TMEM233: variants seen among roughly 807,000 people sequenced by gnomAD.
The protein encoded by TMEM233 is transmembrane protein 233, also known as dispanin subfamily B member 2.
A neutral mutation model predicts 11.2 loss-of-function variants in TMEM233; 6 were observed. That is an observed-to-expected ratio of 0.54 (90% CI 0.29 to 1.06). The LOEUF (loss-of-function observed/expected upper bound fraction) is 1.06. Among genes scored for constraint, TMEM233 ranks in the 50% least tolerant of loss-of-function variants. The probability of loss-of-function intolerance (pLI) is 0.08; values close to 1 mark genes in which losing one functional copy is unlikely to be tolerated. For missense variants in TMEM233, 127 were observed against 144.7 expected (o/e 0.88, Z 0.63); for synonymous variants, 59 against 55.8 (o/e 1.06, Z -0.26).
intron 1 of TMEM233, among the ~76,000 whole-genome samples, chr12:119,607,851 G>T (rs150125441): frequency 3.3e-5 from 5 of 152,078 alleles, no homozygotes; most frequent in Non-Finnish European, 7.4e-5. Context: ...CTCTCAAAGC[G>T]CAGGGATTAC....
At chr12:119,601,450 ACTGAGAC>A in intron 1 of TMEM233, among the ~76,000 whole-genome samples, 1 of 151,284 alleles carries the variant, frequency 6.6e-6, no homozygotes, top group Admixed American at 6.6e-5. Flanking sequence ...AGGTCAGGAG[ACTGAGAC>A]CATCCTGGCT....
intron 2 of TMEM233, chr12:119,634,221 C>G: frequency 5.1e-6 from 5 of 985,232 alleles, no homozygotes; most frequent in Non-Finnish European, 6.0e-6. Context: ...TCTATTTCCA[C>G]AGAGGGGCTG....
intron 1 of TMEM233, among the ~76,000 whole-genome samples, chr12:119,625,754 A>G (rs1954743201): frequency 6.6e-6 from 1 of 152,192 alleles, no homozygotes; most frequent in South Asian, 2.1e-4. Flanking sequence ...TATTTTGCTG[A>G]AAATTTAGGT....
At position 119,635,363 on chromosome 12, in the gene TMEM233, T is replaced by C. The variant is rs912569235; in HGVS notation, c.324-5336T>C. Among the ~76,000 whole-genome samples the C allele has an allele frequency of 3.9e-5, 6 of 152,132 alleles. No individual in the cohort carries two copies. The South Asian group carries it at 1.0e-3, about 26-fold the overall frequency. The stretch of plus-strand genomic sequence containing the variant: ...ACAAGCCACCTTCCCCAAAAAATAA[T>C]TCTAAATATTCTAAAGTTGCAGAAC... On this transcript the variant is annotated intron_variant, in intron 2 of 2. Transcript: ENST00000426426.
chr12:119,599,766 T>G (rs1450135485), intron 1 of TMEM233, among the ~76,000 whole-genome samples: 1 of 152,066 alleles, frequency 6.6e-6, no homozygotes, highest in East Asian at 1.9e-4. Context: ...AGAGATCACC[T>G]ACCACCCCAC....
chr12:119,603,158 C>A (rs528166958), intron 1 of TMEM233, among the ~76,000 whole-genome samples: 13 of 152,230 alleles, frequency 8.5e-5, no homozygotes, highest in Non-Finnish European at 1.5e-4. Context: ...GTAATCCAAG[C>A]TACCCAAAAG....
chr12:119,618,058 G>T (rs1264651451), intron 1 of TMEM233, among the ~76,000 whole-genome samples: 1 of 152,234 alleles, frequency 6.6e-6, no homozygotes, highest in Non-Finnish European at 1.5e-5. Context: ...TGGACATGGT[G>T]CCCTGCATCC....
At chr12:119,612,587 A>G (rs1954422685) in intron 1 of TMEM233, among the ~76,000 whole-genome samples, 1 of 152,102 alleles carries the variant, frequency 6.6e-6, no homozygotes, top group South Asian at 2.1e-4. Context: ...TCTCTACTAA[A>G]AATACAGAAA....
At position 119,603,049 on chromosome 12, in the gene TMEM233, G is replaced by A. The variant is rs576728596; in HGVS notation, c.186+9015G>A. On this transcript the variant is annotated intron_variant, in intron 1 of 2. Coordinates refer to ENST00000426426, the MANE Select transcript of TMEM233 (RefSeq NM_001136534.3). ...GCGGGTGGACCACCTGAGTGCAGAAGCTCGAGACAAACCTGGGTAACATGA... is the reference window on the plus strand; with the variant it reads ...GCGGGTGGACCACCTGAGTGCAGAAACTCGAGACAAACCTGGGTAACATGA... Among the ~76,000 whole-genome samples, 8 of 152,234 alleles carry A rather than the reference G, an allele frequency of 5.3e-5. No homozygotes were observed. The South Asian group carries it at 1.0e-3, about 20-fold the overall frequency.
At chr12:119,643,310 T>G (rs1281357986), downstream of TMEM233, among the ~76,000 whole-genome samples, 3 of 152,224 alleles carry the variant, frequency 2.0e-5, no homozygotes, top group African/African-American at 7.2e-5. Context: ...ATCTTGTCAT[T>G]AAATGTGCTC....
At chr12:119,606,721 T>A (rs1954287333) in intron 1 of TMEM233, among the ~76,000 whole-genome samples, 2 of 152,354 alleles carry the variant, frequency 1.3e-5, no homozygotes, top group South Asian at 2.1e-4. Context: ...ACATATTAGA[T>A]GTTCATCCAG....
rs1176632817 is a variant in TMEM233 at position 119,640,855 on chromosome 12, A to AG, written c.*151dup. On this transcript the variant is annotated 3_prime_UTR_variant, in exon 3 of 3. Coordinates refer to ENST00000426426, the MANE Select transcript of TMEM233 (RefSeq NM_001136534.3). Reference sequence around the variant, plus strand: ...GAGGCAGGTCCCTGGCAAATGAACAAGAAAAAAAAAAAAAAAAAGTCCAAA... The same window carrying AG: ...GAGGCAGGTCCCTGGCAAATGAACAAGGAAAAAAAAAAAAAAAAAGTCCAAA... 3.5e-6 allele frequency: 2 copies of AG among 565,498 alleles called. No individual in the cohort carries two copies. The highest frequency in any genetic ancestry group is 5.3e-5 in the African/African-American group (2 of 37,836). The allele number at this position is 565,498 out of a possible 1,614,324, so 35.0% of individuals were successfully genotyped here. A position where few individuals can be genotyped will look rare whatever the true frequency, so the allele number is the denominator to read the frequency against.
In TMEM233 at chr12:119,637,222, C is replaced by T. The variant is rs184670733; in HGVS notation, c.324-3477C>T. ...ATACAATGTAACTCCCCTGAAGGTA[C>T]ATCTCTGAGTGGTCTTGTTGAGGTG... is the stretch of plus-strand genomic sequence containing the variant. On this transcript the variant is annotated intron_variant, in intron 2 of 2. Coordinates refer to ENST00000426426, the MANE Select transcript of TMEM233 (RefSeq NM_001136534.3). Among the ~76,000 whole-genome samples the T allele has an allele frequency of 1.3e-3, 196 of 152,356 alleles. 1 individual carries two copies. Among genetic ancestry groups the T allele is most frequent in the Admixed American group, 9.9e-3 (151 of 15,308 alleles).
chr12:119,593,887 T>G lies in TMEM233; in HGVS notation c.39T>G (p.Ala13=). Residue 13 remains alanine (A), a synonymous_variant, in exon 1 of 3, where the codon GCT becomes GCG. Transcript: ENST00000426426. This position sits in a 1 kb window ranked among gnomAD's most constrained non-coding sequence, Gnocchi z 4.1. ...QYAPSPDFKR[A]LDSSPEANTE... is the part of the protein sequence containing the mutation. ...CCCCTAGCCCGGACTTCAAGAGGGC[T>G]TTGGACAGCAGTCCCGAGGCCAACA... 1 of 1,551,690 alleles carries G rather than the reference T, an allele frequency of 6.4e-7. No individual in the cohort carries two copies.
intron 2 of TMEM233, chr12:119,631,498 A>C: frequency 4.1e-6 from 4 of 985,436 alleles, no homozygotes; most frequent in Non-Finnish European, 4.8e-6. Context: ...ATAAAAGAGA[A>C]AAGGACACTC....
At chr12:119,619,506 T>C (rs987225095) in intron 1 of TMEM233, among the ~76,000 whole-genome samples, 1 of 152,040 alleles carries the variant, frequency 6.6e-6, no homozygotes, top group African/African-American at 2.4e-5. Context: ...CTGGTAGTGG[T>C]AGCACTCACC....
chr12:119,604,536 C>T (rs1439759889), intron 1 of TMEM233, among the ~76,000 whole-genome samples: 1 of 152,208 alleles, frequency 6.6e-6, no homozygotes, highest in Non-Finnish European at 1.5e-5. Flanking sequence ...GGGAAGATTG[C>T]ATGGTACTCC....
At chr12:119,624,286 G>A (rs1954706251) in intron 1 of TMEM233, among the ~76,000 whole-genome samples, 1 of 152,016 alleles carries the variant, frequency 6.6e-6, no homozygotes, top group South Asian at 2.1e-4. Flanking sequence ...CTTGAGCCCA[G>A]GAGGTCGAGG....
At chr12:119,613,578 C>T (rs1336729810) in intron 1 of TMEM233, among the ~76,000 whole-genome samples, 1 of 152,158 alleles carries the variant, frequency 6.6e-6, no homozygotes, top group African/African-American at 2.4e-5. Context: ...CTTTCGGAGG[C>T]TGAGGCAGGA....
Sources: gnomAD v4.1 joint callset for allele counts (sites outside exome capture counted in the v4.1 genomes callset) on GRCh38, gnomAD v4.1.1 for gene constraint, Gnocchi (gnomAD v3.1) non-coding constraint, MANE v1.5 for transcripts, NCBI Gene and HGNC (gene_info 2026-07-23, HGNC 2026-07-21) for gene names.